MEGF10: variants seen among roughly 807,000 people sequenced by gnomAD.
The protein encoded by MEGF10 is multiple EGF like domains 10.
A neutral mutation model predicts 147.5 loss-of-function variants in MEGF10; 86 were observed. The ratio of observed to expected loss-of-function variants is 0.58; its 90% CI spans 0.49 to 0.70. The LOEUF (loss-of-function observed/expected upper bound fraction) is 0.70. Among genes scored for constraint, MEGF10 ranks in the 30% least tolerant of loss-of-function variants. The pLI, the probability that MEGF10 is intolerant of heterozygous loss-of-function variation, is 0.00. For synonymous variants in MEGF10, 478 were observed against 525.5 expected (o/e 0.91, Z 1.24); for missense variants, 1,329 against 1,487.3 (o/e 0.89, Z 1.75).
chr5:127,406,479 GAGTC>G (rs749161251), intron 8 of MEGF10, among the ~76,000 whole-genome samples: 19 of 152,218 alleles, frequency 1.2e-4, no homozygotes, highest in Non-Finnish European at 1.5e-4. Flanking sequence ...GAATGGCCAT[GAGTC>G]AGTCTGTGGC....
At chr5:127,383,474 A>T (rs2126889500) in intron 5 of MEGF10, among the ~76,000 whole-genome samples, 1 of 152,278 alleles carries the variant, frequency 6.6e-6, no homozygotes, top group East Asian at 1.9e-4. Context: ...AAATAAATAA[A>T]TAAAAATAAA....
In MEGF10 at chr5:127,393,836, C is replaced by A. The variant is rs188073456; in HGVS notation, c.413-2696C>A. Among the ~76,000 whole-genome samples the A allele has an allele frequency of 1.0e-3, 123 of 120,638 alleles. 3 individuals carry two copies. In the East Asian group the frequency reaches 0.014, roughly 14 times the overall value. 79.1% of individuals were successfully genotyped at this position (120,638 alleles called of 152,430 possible). A position where few individuals can be genotyped will look rare whatever the true frequency, so the allele number is the denominator to read the frequency against. On this transcript the variant is annotated intron_variant, in intron 5 of 24. Coordinates refer to ENST00000503335, the MANE Select transcript of MEGF10 (RefSeq NM_001256545.2). ...TTTTTTTTTTTCTTTTTTTTTTGTT[C>A]TAATCCTAAGAAAACAGAGCTGGTG...
At chr5:127,381,453 T>C (rs923885764) in intron 5 of MEGF10, among the ~76,000 whole-genome samples, 3 of 152,186 alleles carry the variant, frequency 2.0e-5, no homozygotes, top group Non-Finnish European at 2.9e-5. Context: ...ACTGTACCAA[T>C]GTGTTTGCTG....
At chr5:127,278,499 T>C in the MEGF10 span, among the ~76,000 whole-genome samples, 1 of 152,200 alleles carries the variant, frequency 6.6e-6, no homozygotes, top group Non-Finnish European at 1.5e-5. Flanking sequence ...GTTCTTTTTT[T>C]AAGTGGAAGA....
intron 1 of MEGF10, among the ~76,000 whole-genome samples, chr5:127,298,617 G>A (rs1759621169): frequency 2.0e-5 from 3 of 152,160 alleles, no homozygotes; most frequent in Admixed American, 2.0e-4. Flanking sequence ...GCCCATATAT[G>A]CATGATAATC....
chr5:127,233,081 A>G, the MEGF10 span, among the ~76,000 whole-genome samples: 1 of 152,182 alleles, frequency 6.6e-6, no homozygotes, highest in Non-Finnish European at 1.5e-5. Context: ...TTGGCTCATT[A>G]TGGTGGCCCT....
At chr5:127,291,293 G>C (rs1339381289) in intron 1 of MEGF10, among the ~76,000 whole-genome samples, 3 of 152,164 alleles carry the variant, frequency 2.0e-5, no homozygotes, top group African/African-American at 7.2e-5. Flanking sequence ...TTGATGGAGA[G>C]ACATCCTCAT....
intron 22 of MEGF10, among the ~76,000 whole-genome samples, chr5:127,452,836 C>T (rs1374947324): frequency 6.6e-6 from 1 of 152,224 alleles, no homozygotes; most frequent in Non-Finnish European, 1.5e-5. Flanking sequence ...TAATTCTTCA[C>T]TACACACCCA....
At chr5:127,377,781 G>A (rs568663455) in intron 5 of MEGF10, among the ~76,000 whole-genome samples, 1 of 152,224 alleles carries the variant, frequency 6.6e-6, no homozygotes, top group African/African-American at 2.4e-5. Flanking sequence ...GATGCTGTCT[G>A]CGGAGAGTAG....
At chr5:127,304,701 G>A (rs1759934271) in intron 1 of MEGF10, among the ~76,000 whole-genome samples, 1 of 152,102 alleles carries the variant, frequency 6.6e-6, no homozygotes, top group Non-Finnish European at 1.5e-5. Flanking sequence ...TGCCATGTTG[G>A]CCTGGCTGGT....
chr5:127,430,509 A>G (rs79697217), intron 13 of MEGF10, among the ~76,000 whole-genome samples: 7 of 152,216 alleles, frequency 4.6e-5, no homozygotes, highest in Non-Finnish European at 8.8e-5. Context: ...ACACTCTCTT[A>G]GTGATACTTA....
intron 21 of MEGF10, 106 bp downstream of exon 21, chr5:127,447,790 C>A (rs945375996): frequency 3.0e-6 from 4 of 1,354,784 alleles, no homozygotes; most frequent in Non-Finnish European, 4.0e-6. Flanking sequence ...AGGTACTTTA[C>A]ATATATTATC....
chr5:127,268,257 G>A, the MEGF10 span, among the ~76,000 whole-genome samples: 15 of 152,144 alleles, frequency 9.9e-5, no homozygotes, highest in African/African-American at 3.4e-4. Flanking sequence ...CTGAGTTCTA[G>A]TTTGATTGCA....
At chr5:127,424,380 T>C (rs1580854034) in intron 13 of MEGF10, 1 of 758,518 alleles carries the variant, frequency 1.3e-6, no homozygotes, top group African/African-American at 1.7e-5. Flanking sequence ...TCCATGTGAA[T>C]GGTAACATCA....
At chr5:127,413,133 T>C (rs1764633961) in intron 9 of MEGF10, among the ~76,000 whole-genome samples, 2 of 152,210 alleles carry the variant, frequency 1.3e-5, no homozygotes, top group South Asian at 4.1e-4. Context: ...ACATTTTTAT[T>C]TTGCAATCTA....
intron 12 of MEGF10, 100 bp from the exon 13 acceptor site, chr5:127,422,570 C>T: frequency 1.2e-6 from 1 of 848,332 alleles, no homozygotes; most frequent in South Asian, 1.4e-5. Context: ...TTTGGGACAG[C>T]AGGGTACTGT....
At chr5:127,427,333 G>A (rs776741251) in intron 13 of MEGF10, among the ~76,000 whole-genome samples, 12 of 152,158 alleles carry the variant, frequency 7.9e-5, no homozygotes, top group Non-Finnish European at 1.6e-4. Flanking sequence ...GTTCAAGGAT[G>A]TGTTTATACC....
chr5:127,231,191 T>G, the MEGF10 span, among the ~76,000 whole-genome samples: 1 of 152,204 alleles, frequency 6.6e-6, no homozygotes, highest in Non-Finnish European at 1.5e-5. Flanking sequence ...CATCGTGATG[T>G]TTACAAAAAT....
chr5:127,451,177 A>G (rs1433790919), intron 22 of MEGF10, among the ~76,000 whole-genome samples: 3 of 152,210 alleles, frequency 2.0e-5, no homozygotes, highest in Non-Finnish European at 4.4e-5. Flanking sequence ...TCAAAGAAGG[A>G]AAGGGGTAAA....
Sources: allele counts gnomAD v4.1 joint callset (sites outside exome capture counted in the v4.1 genomes callset), GRCh38; gene constraint gnomAD v4.1.1; transcripts MANE v1.5; gene names NCBI Gene and HGNC (gene_info 2026-07-23, HGNC 2026-07-21).